Variants in CYFIP1 observed in about 807,000 individuals in gnomAD.
The protein encoded by CYFIP1 is cytoplasmic FMR1 interacting protein 1.
In CYFIP1, 58 loss-of-function variants were observed where a neutral mutation model predicts 163.5. The ratio of observed to expected loss-of-function variants is 0.35; its 90% CI spans 0.29 to 0.44. CYFIP1 has a LOEUF of 0.44. Among genes scored for constraint, CYFIP1 ranks in the 20% least tolerant of loss-of-function variants. The pLI, the probability that CYFIP1 is intolerant of heterozygous loss-of-function variation, is 1.00. For missense variants in CYFIP1, 1,338 were observed against 1,653.8 expected (o/e 0.81, Z 3.31); for synonymous variants, 663 against 660.7 (o/e 1.00, Z -0.05).
chr15:22,918,733 C>A lies in CYFIP1; in HGVS notation c.1485G>T (p.Pro495=), dbSNP rs778545064. The A allele has an allele frequency of 1.2e-6, 2 of 1,610,066 alleles. No individual in the cohort carries two copies. Among genetic ancestry groups the A allele is most frequent in the African/African-American group, 2.7e-5 (2 of 74,722 alleles). Residue 495 remains proline, a synonymous_variant, in exon 14 of 31, where the codon CCG becomes CCT. Transcript: ENST00000617928. The part of the protein sequence containing the change: ...QDFSQVTLRE[P]LRQAIKKKKN... ...TCTTCTTCTTGATGGCCTGCCGCAGCGGCTCCCTAAGGGTCACCTGGGAGA... is the reference window on the plus strand; with the variant it reads ...TCTTCTTCTTGATGGCCTGCCGCAGAGGCTCCCTAAGGGTCACCTGGGAGA...
chr15:22,894,782 AT>A (rs993155477), intron 22 of CYFIP1, among the ~76,000 whole-genome samples: 2 of 148,470 alleles, frequency 1.3e-5, no homozygotes, highest in African/African-American at 4.9e-5. Flanking sequence ...ATACATATAT[AT>A]GATACATAAC....
intron 23 of CYFIP1, among the ~76,000 whole-genome samples, chr15:22,883,747 G>A (rs954423963): frequency 7.4e-5 from 11 of 147,850 alleles, no homozygotes; most frequent in African/African-American, 2.5e-4. Context: ...AACCTGGGAT[G>A]TGGAGCTTGC....
Position 22,875,187 on chromosome 15 carries a change from C to T in CYFIP1, c.3115+12G>A. The T allele has an allele frequency of 6.2e-7, 1 of 1,613,806 alleles. No homozygotes were observed. The highest frequency in any genetic ancestry group is 8.5e-7 in the Non-Finnish European group (1 of 1,179,806). On this transcript the variant is annotated intron_variant, in intron 27 of 30. Coordinates refer to ENST00000617928, the MANE Select transcript of CYFIP1 (RefSeq NM_014608.6). ...GCAGTCTGGACTCCCTGGTGGGGGT[C>T]AGCAGGCTCACCTTTCACATGGACT...
chr15:22,953,762 CAAT>C (rs1297470231), intron 1 of CYFIP1, among the ~76,000 whole-genome samples: 1 of 152,200 alleles, frequency 6.6e-6, no homozygotes, highest in African/African-American at 2.4e-5. Context: ...TAGAGTTTAA[CAAT>C]AGGATCAGGG....
intron 23 of CYFIP1, among the ~76,000 whole-genome samples, chr15:22,885,261 C>G (rs2059898838): frequency 6.6e-6 from 1 of 152,186 alleles, no homozygotes; most frequent in Non-Finnish European, 1.5e-5. Flanking sequence ...TTTCAGATCT[C>G]TCTCAAGTTC....
At chr15:22,937,835 C>A (rs1177798063) in intron 8 of CYFIP1, among the ~76,000 whole-genome samples, 1 of 152,074 alleles carries the variant, frequency 6.6e-6, no homozygotes, top group Non-Finnish European at 1.5e-5. Context: ...AAACTCCTGA[C>A]CTCAAGTGAT....
chr15:22,949,296 A>G (rs1236213806), intron 1 of CYFIP1, among the ~76,000 whole-genome samples: 2 of 81,092 alleles, frequency 2.5e-5, no homozygotes, highest in Non-Finnish European at 5.2e-5. Flanking sequence ...GGCGGGCCGG[A>G]AGGCGGGCAC....
chr15:22,896,343 T>C (rs770034118), intron 22 of CYFIP1, among the ~76,000 whole-genome samples: 1 of 152,068 alleles, frequency 6.6e-6, no homozygotes, highest in Non-Finnish European at 1.5e-5. Context: ...TTGAGGTTTA[T>C]TGAGCTTCTT....
At chr15:22,893,103 G>A in intron 22 of CYFIP1, 126 bp from the exon 23 acceptor site, 1 of 675,630 alleles carries the variant, frequency 1.5e-6, no homozygotes, top group Non-Finnish European at 2.5e-6. Flanking sequence ...TCATCAAATA[G>A]GAAAATTCTA....
At chr15:22,885,838 C>T (rs976979713) in intron 23 of CYFIP1, among the ~76,000 whole-genome samples, 1 of 152,192 alleles carries the variant, frequency 6.6e-6, no homozygotes, top group Non-Finnish European at 1.5e-5. Context: ...GTTCCAACCT[C>T]TGCCTGTTAC....
intron 10 of CYFIP1, among the ~76,000 whole-genome samples, chr15:22,933,317 TTC>T (rs1488339922): frequency 4.6e-5 from 7 of 151,606 alleles, no homozygotes; most frequent in Admixed American, 2.6e-4. Context: ...GTATTTTTCT[TTC>T]TTTTTTTTTT....
intron 1 of CYFIP1, among the ~76,000 whole-genome samples, chr15:22,956,094 C>T (rs2062440440): frequency 6.6e-6 from 1 of 152,072 alleles, no homozygotes; most frequent in African/African-American, 2.4e-5. Flanking sequence ...GTAATCCCAG[C>T]TACTTGGGAA....
intron 13 of CYFIP1, among the ~76,000 whole-genome samples, chr15:22,921,942 G>A (rs1030642564): frequency 6.6e-6 from 1 of 152,036 alleles, no homozygotes; most frequent in Non-Finnish European, 1.5e-5. Context: ...TTTCAACAGG[G>A]TACCAAAACA....
intron 29 of CYFIP1, 141 bp from the exon 30 acceptor site, chr15:22,873,113 G>C (rs1257366622): frequency 1.1e-6 from 1 of 910,632 alleles, no homozygotes; most frequent in South Asian, 1.8e-5. Flanking sequence ...GCCAGGAAGA[G>C]AATGCCGGGC....
intron 20 of CYFIP1, 41 bp downstream of exon 20, chr15:22,910,479 T>C (rs550217181): frequency 4.5e-6 from 7 of 1,546,128 alleles, no homozygotes; most frequent in Middle Eastern, 1.7e-4. Flanking sequence ...GTCTTTTCAA[T>C]GCACACTCTA....
At chr15:22,923,154 A>G (rs2061245205) in intron 13 of CYFIP1, among the ~76,000 whole-genome samples, 1 of 152,192 alleles carries the variant, frequency 6.6e-6, no homozygotes, top group African/African-American at 2.4e-5. Flanking sequence ...GTGTCTCAAA[A>G]GACTCCATTA....
At chr15:22,978,553 A>G (rs2063361159) in intron 1 of CYFIP1, among the ~76,000 whole-genome samples, 1 of 152,138 alleles carries the variant, frequency 6.6e-6, no homozygotes, top group African/African-American at 2.4e-5. Context: ...AAAATTACTT[A>G]TGCACAGAAA....
intron 12 of CYFIP1, among the ~76,000 whole-genome samples, chr15:22,926,740 G>A (rs951446720): frequency 7.9e-5 from 12 of 152,166 alleles, no homozygotes; most frequent in African/African-American, 1.4e-4. Context: ...AATGCAGGGC[G>A]TGAAGCGACA....
intron 22 of CYFIP1, among the ~76,000 whole-genome samples, chr15:22,899,903 C>T (rs922607582): frequency 1.3e-5 from 2 of 152,036 alleles, no homozygotes; most frequent in Non-Finnish European, 2.9e-5. Flanking sequence ...CAAAAATTAG[C>T]CGGGCATGGT....
Sources: gnomAD v4.1 joint callset for allele counts (sites outside exome capture counted in the v4.1 genomes callset) on GRCh38, gnomAD v4.1.1 for gene constraint, MANE v1.5 for transcripts, NCBI Gene and HGNC (gene_info 2026-07-23, HGNC 2026-07-21) for gene names.